ZC3H14: variants seen among roughly 807,000 people sequenced by gnomAD.
ZC3H14 encodes the protein zinc finger CCCH-type containing 14.
Under a neutral mutation model 92.4 loss-of-function variants are expected in ZC3H14, and 31 were observed. The ratio of observed to expected loss-of-function variants is 0.34; its 90% confidence interval spans 0.25 to 0.45. ZC3H14 has a LOEUF of 0.45. Ranked by LOEUF, ZC3H14 falls within the 20% of genes least tolerant of loss-of-function variation. The pLI, the probability that ZC3H14 is intolerant of heterozygous loss-of-function variation, is 1.00. For missense variants in ZC3H14, 781 were observed against 897.3 expected, an observed-to-expected ratio of 0.87 and a Z score of 1.66; for synonymous variants, 321 against 300.9, an observed-to-expected ratio of 1.07 and a Z score of -0.69.
At chr14:88,576,760 A>C (rs913201028) in intron 8 of ZC3H14, among the ~76,000 whole-genome samples, 1 of 152,052 alleles carries the variant, frequency 6.6e-6, no homozygotes, top group African/African-American at 2.4e-5. Flanking sequence ...CCCCTTCCTA[A>C]AATGAGGTAA....
intron 15 of ZC3H14, 115 bp downstream of exon 15, chr14:88,609,918 G>C: frequency 2.7e-6 from 3 of 1,128,418 alleles, no homozygotes; most frequent in Non-Finnish European, 3.9e-6. Flanking sequence ...ATTTTTGCCA[G>C]TAAAACTATT....
Position 88,612,037 on chromosome 14 carries a change from G to T in ZC3H14, c.*286G>T. On this transcript the variant is annotated 3_prime_UTR_variant, in exon 17 of 17. Transcript: ENST00000251038. ...GGGCATGTTTGTGCACTGCTGTTGT[G>T]AGGATCAGCATATGAAATTGACATC... The T allele has an allele frequency of 2.2e-6, 1 of 459,150 alleles. No individual in the cohort carries two copies. Among genetic ancestry groups the T allele is most frequent in the African/African-American group, 2.0e-5 (1 of 50,874 alleles). The allele number at this position is 459,150 out of a possible 1,614,324, so 28.4% of individuals were successfully genotyped here. A position where few individuals can be genotyped will look rare whatever the true frequency, so the allele number is the denominator to read the frequency against.
At chr14:88,610,618 A>T (rs1265942393) in intron 15 of ZC3H14, among the ~76,000 whole-genome samples, 1 of 142,398 alleles carries the variant, frequency 7.0e-6, no homozygotes, top group African/African-American at 2.6e-5. Context: ...AAACCAGCCT[A>T]GGCAACATTT....
chr14:88,595,444 G>A (rs180689491), intron 9 of ZC3H14, among the ~76,000 whole-genome samples: 19 of 152,298 alleles, frequency 1.2e-4, no homozygotes, highest in African/African-American at 4.3e-4. Context: ...ATCATGTACT[G>A]TTGATGTGAA....
At chr14:88,586,922 G>A (rs1043021047) in intron 9 of ZC3H14, among the ~76,000 whole-genome samples, 6 of 151,876 alleles carry the variant, frequency 4.0e-5, no homozygotes, top group African/African-American at 9.7e-5. Context: ...TTCTTTCTCC[G>A]TGTTGTAATA....
rs2088030305 is a variant in ZC3H14, at chr14:88,618,062, T to C, written c.*6311T>C. 4.6e-6 allele frequency: 2 copies of C among 439,366 alleles called. No individual in the cohort carries two copies. Among genetic ancestry groups the C allele is most frequent in the African/African-American group, 2.0e-5 (1 of 50,054 alleles). The allele number at this position is 439,366 out of a possible 1,614,324, so 27.2% of individuals were successfully genotyped here. ...AAACTGATAAAACATGGAAATATAT[T>C]CAATAAAAAGGGGTCCCAACATGAA... On this transcript the variant is annotated 3_prime_UTR_variant, in exon 17 of 17. Transcript: ENST00000251038.
In ZC3H14 at chr14:88,613,792, G is replaced by A. The variant is rs903754295; in HGVS notation, c.*2041G>A. 6.6e-6 allele frequency: 1 copy of A among 152,158 alleles called. No homozygotes were observed. Among genetic ancestry groups the A allele is most frequent in the Non-Finnish European group, 1.5e-5 (1 of 68,016 alleles). 9.4% of individuals were successfully genotyped at this position (152,158 alleles called of 1,614,324 possible). Reference sequence around the variant, plus strand: ...CAGAAGTCCCAGGTTACACAATCAGGAGCTTAGATACTGCACACAAAAATA... The same window carrying A: ...CAGAAGTCCCAGGTTACACAATCAGAAGCTTAGATACTGCACACAAAAATA... On this transcript the variant is annotated 3_prime_UTR_variant, in exon 17 of 17. Coordinates refer to ENST00000251038, the MANE Select transcript of ZC3H14 (RefSeq NM_024824.5).
intron 6 of ZC3H14, chr14:88,574,280 C>CT (rs1268203965): frequency 5.7e-6 from 1 of 174,026 alleles, no homozygotes; most frequent in African/African-American, 2.4e-5. Flanking sequence ...GTGTCTCACT[C>CT]TGTCGCCCAG....
intron 12 of ZC3H14, 45 bp from the exon 13 acceptor site, chr14:88,607,198 T>C: frequency 2.5e-6 from 4 of 1,613,740 alleles, no homozygotes; most frequent in Non-Finnish European, 3.4e-6. Context: ...GTGTACTGAA[T>C]TGATCATAAT....
chr14:88,581,838 AAAT>A (rs1310689357), intron 9 of ZC3H14, among the ~76,000 whole-genome samples: 2 of 152,220 alleles, frequency 1.3e-5, no homozygotes, highest in East Asian at 1.9e-4. Flanking sequence ...CATTTTAAAA[AAAT>A]AAGCTCTAAC....
intron 10 of ZC3H14, among the ~76,000 whole-genome samples, chr14:88,598,339 A>G (rs2084143252): frequency 6.6e-6 from 1 of 152,338 alleles, no homozygotes; most frequent in East Asian, 1.9e-4. Context: ...CAGGCTGGTC[A>G]GCTTCTCCAA....
In ZC3H14 at chr14:88,572,264, C is replaced by CGA. The variant is rs775979854; in HGVS notation, c.431+39_431+40insGA. 4 of 1,601,426 alleles carry CGA rather than the reference C, an allele frequency of 2.5e-6. No homozygotes were observed. In the South Asian group the frequency reaches 3.3e-5, roughly 13 times the overall value. On this transcript the variant is annotated intron_variant, in intron 5 of 16. Transcript: ENST00000251038. The stretch of plus-strand genomic sequence containing the variant: ...GTAGACCTGCTGGGGGCAGATGGCT[C>CGA]TGTGTATGTGACATTTATATTAGTT...
intron 9 of ZC3H14, 80 bp from the exon 10 acceptor site, chr14:88,596,654 A>G: frequency 1.6e-6 from 2 of 1,219,910 alleles, no homozygotes; most frequent in Admixed American, 3.4e-5. Flanking sequence ...TTAAGAACCC[A>G]GAAGGATTGA....
Position 88,608,536 on chromosome 14 carries a change from AGGGTGGGGG to A in ZC3H14, c.1869-728_1869-720del, listed in dbSNP as rs1018208637. On this transcript the variant is annotated intron_variant, in intron 13 of 16. Coordinates refer to ENST00000251038, the MANE Select transcript of ZC3H14 (RefSeq NM_024824.5). ...GTTCATGTATGTTTGTTGAGAGGCA[AGGGTGGGGG>A]GGCTTTGTTTGTGCCTCGGACCTGT... 1.2e-5 allele frequency: 3 copies of A among 257,270 alleles called. No homozygotes were observed. The Admixed American group carries it at 1.5e-4, about 13-fold the overall frequency. The allele number at this position is 257,270 out of a possible 1,614,324, so 15.9% of individuals were successfully genotyped here.
intron 10 of ZC3H14, among the ~76,000 whole-genome samples, chr14:88,598,812 T>G (rs987938005): frequency 3.3e-5 from 5 of 152,154 alleles, no homozygotes; most frequent in African/African-American, 1.2e-4. Flanking sequence ...AGTGGCCAGG[T>G]GCAGTGGCTC....
Position 88,611,802 on chromosome 14 carries a change from C to G in ZC3H14, c.*51C>G. ...CATGCAGTTTGGAAGTTTTCATGTA[C>G]TGATGAAAGATACTCTACAGAACTT... On this transcript the variant is annotated 3_prime_UTR_variant, in exon 17 of 17. Coordinates refer to ENST00000251038, the MANE Select transcript of ZC3H14 (RefSeq NM_024824.5). The G allele has an allele frequency of 6.2e-7, 1 of 1,611,888 alleles. No individual in the cohort carries two copies.
chr14:88,595,087 G>A (rs112996584), intron 9 of ZC3H14: 134 of 1,611,904 alleles, frequency 8.3e-5, no homozygotes, highest in Non-Finnish European at 1.1e-4. Context: ...AAAAATAATC[G>A]GCTTCCTTAG....
chr14:88,595,178 G>C, intron 9 of ZC3H14: 1 of 1,592,444 alleles, frequency 6.3e-7, no homozygotes, highest in Non-Finnish European at 8.5e-7. Context: ...CACGTATGTT[G>C]ACTGTAGCTC....
At chr14:88,597,704 C>A (rs1267042180) in intron 10 of ZC3H14, among the ~76,000 whole-genome samples, 3 of 152,344 alleles carry the variant, frequency 2.0e-5, no homozygotes, top group African/African-American at 7.2e-5. Flanking sequence ...TTCAGACATT[C>A]TCTGCCCGTG....
Sources: gnomAD v4.1 joint callset for allele counts (sites outside exome capture counted in the v4.1 genomes callset) on GRCh38, gnomAD v4.1.1 for gene constraint, MANE v1.5 for transcripts, NCBI Gene and HGNC (gene_info 2026-07-23, HGNC 2026-07-21) for gene names.